The following PPP1R9A variants were observed in gnomAD, a reference collection of about 807,000 sequenced individuals.
The protein encoded by PPP1R9A is protein phosphatase 1 regulatory subunit 9A.
In PPP1R9A, 59 loss-of-function variants were observed where a neutral mutation model predicts 141.9. That is an observed-to-expected ratio of 0.42 (90% confidence interval 0.34 to 0.52). The LOEUF (loss-of-function observed/expected upper bound fraction) is 0.52. Among genes scored for constraint, PPP1R9A ranks in the 20% least tolerant of loss-of-function variants. The probability of loss-of-function intolerance (pLI) is 0.10; values close to 1 mark genes in which losing one functional copy is unlikely to be tolerated. For synonymous variants in PPP1R9A, 500 were observed against 569.7 expected (o/e 0.88, Z 1.74); for missense variants, 1,444 against 1,611.9 (o/e 0.90, Z 1.78).
chr7:94,940,645 G>A (rs569091022), intron 2 of PPP1R9A, among the ~76,000 whole-genome samples: 21 of 152,032 alleles, frequency 1.4e-4, no homozygotes, highest in Non-Finnish European at 2.4e-4. Flanking sequence ...AGTCTCTTCA[G>A]AATCCCTCTA....
intron 5 of PPP1R9A, among the ~76,000 whole-genome samples, chr7:95,187,931 C>A (rs1834882324): frequency 6.6e-6 from 1 of 151,980 alleles, no homozygotes; most frequent in Admixed American, 6.6e-5. Context: ...ATTTATTGGT[C>A]TATCTTCGAG....
At chr7:94,922,133 A>G (rs1792924234) in intron 2 of PPP1R9A, among the ~76,000 whole-genome samples, 2 of 149,848 alleles carry the variant, frequency 1.3e-5, no homozygotes, top group African/African-American at 4.9e-5. Context: ...TTATATTTAA[A>G]TTAATTAAAA....
At chr7:95,288,851 T>G (rs558294972) in intron 19 of PPP1R9A, 133 bp downstream of exon 19, 1 of 1,190,500 alleles carries the variant, frequency 8.4e-7, no homozygotes, top group Admixed American at 3.0e-5. Flanking sequence ...GCAGAAAGGA[T>G]GTTGAATTCT....
At chr7:95,110,555 T>C (rs545223555) in intron 2 of PPP1R9A, among the ~76,000 whole-genome samples, 1 of 152,332 alleles carries the variant, frequency 6.6e-6, no homozygotes, top group South Asian at 2.1e-4. Context: ...GATAAACATT[T>C]CAGCAGAAAT....
intron 2 of PPP1R9A, among the ~76,000 whole-genome samples, chr7:95,082,207 A>C (rs1382088046): frequency 2.0e-5 from 3 of 152,184 alleles, no homozygotes; most frequent in Non-Finnish European, 4.4e-5. Flanking sequence ...TAAAACGAAA[A>C]ATAGGGCTAA....
chr7:94,974,544 A>G (rs1799218510), intron 2 of PPP1R9A, among the ~76,000 whole-genome samples: 1 of 152,154 alleles, frequency 6.6e-6, no homozygotes, highest in African/African-American at 2.4e-5. Context: ...AAAGAACAAG[A>G]GCATGTCCTT....
At chr7:94,954,489 T>G (rs1466948680) in intron 2 of PPP1R9A, among the ~76,000 whole-genome samples, 1 of 152,022 alleles carries the variant, frequency 6.6e-6, no homozygotes, top group Non-Finnish European at 1.5e-5. Context: ...AAATTGGCTT[T>G]CCTTGAAGGC....
chr7:95,048,365 A>G (rs1810321855), intron 2 of PPP1R9A, among the ~76,000 whole-genome samples: 2 of 152,210 alleles, frequency 1.3e-5, no homozygotes, highest in African/African-American at 4.8e-5. Flanking sequence ...AGAAGTTTGG[A>G]TATGAAAGAT....
At chr7:95,063,859 T>C (rs1812597504) in intron 2 of PPP1R9A, among the ~76,000 whole-genome samples, 2 of 152,192 alleles carry the variant, frequency 1.3e-5, no homozygotes, top group Admixed American at 6.5e-5. Flanking sequence ...TATAGTCTTA[T>C]TTTTTCTTTA....
intron 5 of PPP1R9A, among the ~76,000 whole-genome samples, chr7:95,179,592 C>T (rs1833414092): frequency 2.0e-5 from 3 of 152,018 alleles, no homozygotes; most frequent in Admixed American, 2.0e-4. Context: ...TCACTGTTTG[C>T]TGATGATATG....
chr7:95,119,086 A>G (rs1822055266), intron 3 of PPP1R9A, among the ~76,000 whole-genome samples: 1 of 152,198 alleles, frequency 6.6e-6, no homozygotes, highest in African/African-American at 2.4e-5. Flanking sequence ...TCTGTTGAGT[A>G]TATGGACCAA....
At chr7:95,249,940 C>G (rs112039234) in intron 9 of PPP1R9A, 86 bp from the exon 10 acceptor site, 2 of 1,451,644 alleles carry the variant, frequency 1.4e-6, no homozygotes, top group African/African-American at 1.4e-5. Context: ...GATAATAGAA[C>G]TTGATCTACA....
intron 5 of PPP1R9A, among the ~76,000 whole-genome samples, chr7:95,183,693 C>A (rs747155204): frequency 6.6e-6 from 1 of 151,784 alleles, no homozygotes; most frequent in Non-Finnish European, 1.5e-5. Context: ...GTGGTCCACC[C>A]GCCTCGGGCT....
chr7:95,064,864 G>A lies in PPP1R9A; in HGVS notation c.1396-46395G>A, dbSNP rs1274896289. ...TATAACATATTAAAATGACTTTACT[G>A]TAACATCTTTGATTTAAATAATGAA... On this transcript the variant is annotated intron_variant, in intron 2 of 19. Coordinates refer to ENST00000433360, the MANE Select transcript of PPP1R9A (RefSeq NM_001166160.2). Among the ~76,000 whole-genome samples, 5 of 152,136 alleles carry A rather than the reference G, an allele frequency of 3.3e-5. No homozygotes were observed. In the South Asian group the frequency reaches 6.2e-4, roughly 19 times the overall value.
intron 2 of PPP1R9A, among the ~76,000 whole-genome samples, chr7:95,095,356 T>A (rs755332857): frequency 2.0e-5 from 3 of 152,220 alleles, no homozygotes; most frequent in Non-Finnish European, 2.9e-5. Context: ...TCAAAGTTAG[T>A]GTGATTCAAG....
At chr7:95,102,787 A>G (rs982723770) in intron 2 of PPP1R9A, among the ~76,000 whole-genome samples, 18 of 152,160 alleles carry the variant, frequency 1.2e-4, no homozygotes, top group Non-Finnish European at 2.4e-4. Context: ...CATATTCCTG[A>G]CTACCTTGTC....
chr7:94,952,181 C>T (rs1002014254), intron 2 of PPP1R9A, among the ~76,000 whole-genome samples: 1 of 152,100 alleles, frequency 6.6e-6, no homozygotes, highest in African/African-American at 2.4e-5. Flanking sequence ...TCAACTCCCA[C>T]TTATGAGTGA....
At chr7:94,955,953 C>T (rs1797026564) in intron 2 of PPP1R9A, among the ~76,000 whole-genome samples, 1 of 152,098 alleles carries the variant, frequency 6.6e-6, no homozygotes, top group Non-Finnish European at 1.5e-5. Context: ...TAACTGGGAT[C>T]TCGCTATCTG....
At chr7:94,966,898 T>C (rs1217550410) in intron 2 of PPP1R9A, among the ~76,000 whole-genome samples, 1 of 152,320 alleles carries the variant, frequency 6.6e-6, no homozygotes, top group East Asian at 1.9e-4. Flanking sequence ...TGGTTACTGC[T>C]CCTCTTTGTA....
Sources: gnomAD v4.1 joint callset for allele counts (sites outside exome capture counted in the v4.1 genomes callset) on GRCh38, gnomAD v4.1.1 for gene constraint, MANE v1.5 for transcripts, NCBI Gene and HGNC (gene_info 2026-07-23, HGNC 2026-07-21) for gene names.